BICDL2: variants seen among roughly 807,000 people sequenced by gnomAD.
The protein encoded by BICDL2 is BICD family like cargo adaptor 2, also known as BICD family-like cargo adapter 2.
In BICDL2, 62 loss-of-function variants were observed where a neutral mutation model predicts 56.6. That is an observed-to-expected ratio of 1.10 (90% CI 0.89 to 1.35). The LOEUF (loss-of-function observed/expected upper bound fraction) is 1.35. Among genes scored for constraint, BICDL2 ranks in the 40% most tolerant of loss-of-function variants. BICDL2 has a pLI of 0.00. For missense variants in BICDL2, 808 were observed against 684.5 expected, an observed-to-expected ratio of 1.18 and a Z score of -2.01; for synonymous variants, 358 against 319.8, an observed-to-expected ratio of 1.12 and a Z score of -1.27.
rs565426004 is a variant in BICDL2 at position 3,027,982 on chromosome 16, C to T, written c.*124G>A. 4 of 1,319,140 alleles carry T rather than the reference C, an allele frequency of 3.0e-6. No individual in the cohort carries two copies. Among genetic ancestry groups the T allele is most frequent in the Admixed American group, 7.3e-5 (2 of 27,540 alleles). 81.7% of individuals were successfully genotyped at this position (1,319,140 alleles called of 1,614,324 possible). ...CCCCTGCTCCCGATGAGCCCTTGCCCAGCATCCTGGGGCGGGGAGGGCATC... is the reference window on the plus strand; with the variant it reads ...CCCCTGCTCCCGATGAGCCCTTGCCTAGCATCCTGGGGCGGGGAGGGCATC... On this transcript the variant is annotated 3_prime_UTR_variant, in exon 10 of 10. Transcript: ENST00000572449.
In BICDL2 at chr16:3,028,285, C is replaced by G. The variant is rs761330904; in HGVS notation, c.1360-12G>C. The G allele has an allele frequency of 1.5e-5, 22 of 1,496,202 alleles. No homozygotes were observed. The East Asian group carries it at 2.5e-4, about 17-fold the overall frequency. The allele number at this position is 1,496,202 out of a possible 1,614,324, so 92.7% of individuals were successfully genotyped here. A position where few individuals can be genotyped will look rare whatever the true frequency, so the allele number is the denominator to read the frequency against. On this transcript the variant is annotated splice_polypyrimidine_tract_variant and intron_variant, in intron 9 of 9. Transcript: ENST00000572449. Reference sequence around the variant, plus strand: ...ACCTGCATGTCGTCCTGCGGGAGGCCGTGGTCGGCTCAGCGCCGGTCCCGC... The same window carrying G: ...ACCTGCATGTCGTCCTGCGGGAGGCGGTGGTCGGCTCAGCGCCGGTCCCGC...
chr16:3,036,728 C>A, intron 1 of BICDL2, 166 bp downstream of exon 1: 1 of 435,320 alleles, frequency 2.3e-6, no homozygotes. Flanking sequence ...AGAGAAGCGG[C>A]TGGGCTCACC....
chr16:3,035,196 C>A lies in BICDL2; in HGVS notation c.282+19G>T. On this transcript the variant is annotated intron_variant, in intron 2 of 9. Transcript: ENST00000572449. Reference sequence around the variant, plus strand: ...TCCCCTGCCCACCCACCCACCCACCCCGTCCAGTGCTAGCTCACTTCCTCA... The same window carrying A: ...TCCCCTGCCCACCCACCCACCCACCACGTCCAGTGCTAGCTCACTTCCTCA... The A allele has an allele frequency of 2.6e-6, 1 of 381,876 alleles. No individual in the cohort carries two copies. The allele number at this position is 381,876 out of a possible 1,614,324, so 23.7% of individuals were successfully genotyped here.
Position 3,030,429 on chromosome 16 carries a change from C to A in BICDL2, c.762+20G>T. On this transcript the variant is annotated intron_variant, in intron 5 of 9. Coordinates refer to ENST00000572449, the MANE Select transcript of BICDL2 (RefSeq NM_001369667.1). ...TGCTAAGGGTCCAGGCAGTTGTAGT[C>A]CCCCAGCCCTGCAGGTCACCTCCAG... 1 of 1,596,692 alleles carries A rather than the reference C, an allele frequency of 6.3e-7. No homozygotes were observed. Among genetic ancestry groups the A allele is most frequent in the South Asian group, 1.1e-5 (1 of 89,988 alleles).
intron 2 of BICDL2, 39 bp downstream of exon 2, chr16:3,035,176 T>TTGGCCGGGGGGGGGGGGGG: frequency 1.5e-5 from 2 of 136,274 alleles, no homozygotes; most frequent in Non-Finnish European, 2.7e-5. Context: ...CGTCCTCCCC[T>TTGGCCGGGGGGGGGGGGGG]GCCCACCCAC....
At chr16:3,036,507 T>A (rs1270932598) in intron 1 of BICDL2, 1 of 456,152 alleles carries the variant, frequency 2.2e-6, no homozygotes. Flanking sequence ...GGTGTCCATG[T>A]GCAGCCCTGC....
chr16:3,028,718 C>G lies in BICDL2; in HGVS notation c.1220G>C (p.Arg407Pro), dbSNP rs371238238. Residue 407 changes from arginine (R) to proline (P), a missense_variant, in exon 8 of 10, where the codon CGG becomes CCG. Transcript: ENST00000572449. ...GGCTTACTTGTTCACGGCCTCGTCCCGGTCTGAGAGGGCACTGTGCAGGGC... is the reference window on the plus strand; with the variant it reads ...GGCTTACTTGTTCACGGCCTCGTCCGGGTCTGAGAGGGCACTGTGCAGGGC... ...GEALHSALSD[R>P]DEAVNKALEL... 9.0e-5 allele frequency: 141 copies of G among 1,568,542 alleles called. No homozygotes were observed. The highest frequency in any genetic ancestry group is 1.2e-4 in the Non-Finnish European group (134 of 1,157,022).
rs745678763 is a variant in BICDL2, at chr16:3,028,457, AGCT to A, written c.1247_1249del (p.Glu416_Leu417delinsVal). On this transcript the variant is annotated inframe_deletion, in exon 9 of 10. Coordinates refer to ENST00000572449, the MANE Select transcript of BICDL2 (RefSeq NM_001369667.1). Reference sequence around the variant, plus strand: ...CGAGACGCGGTTGAGCTGCAGGGACAGCTCCAGGGCCCTAGGCGGGCAGGAGCA... The same window carrying A: ...CGAGACGCGGTTGAGCTGCAGGGACACCAGGGCCCTAGGCGGGCAGGAGCA... The A allele has an allele frequency of 6.4e-7, 1 of 1,570,830 alleles. No individual in the cohort carries two copies. Among genetic ancestry groups the A allele is most frequent in the South Asian group, 1.1e-5 (1 of 87,404 alleles).
In BICDL2 at chr16:3,030,774, G is replaced by C; in HGVS notation, c.537C>G (p.Asp179Glu). 2 of 1,612,224 alleles carry C rather than the reference G, an allele frequency of 1.2e-6. No homozygotes were observed. Among genetic ancestry groups the C allele is most frequent in the Admixed American group, 3.3e-5 (2 of 59,946 alleles). The change falls in exon 4 of 10, where the codon GAC (aspartate) becomes GAG (glutamate). Residue 179 changes from aspartate (D) to glutamate (E), a missense_variant. Transcript: ENST00000572449. ...GAGCCTGGCACTGTCCCCGAAGGGC[G>C]TCCAGTTCCCTCTGAAGTTCCTGCT... ...QTEQELQREL[D>E]ALRGQCQAQA...
intron 2 of BICDL2, 122 bp downstream of exon 2, chr16:3,035,093 G>T: frequency 1.9e-6 from 2 of 1,026,498 alleles, no homozygotes; most frequent in South Asian, 1.6e-5. Context: ...TGCCCCCCTC[G>T]CCCGGCTGTC....
At position 3,027,727 on chromosome 16, in the gene BICDL2, A is replaced by C. The variant is rs1207757302; in HGVS notation, c.*379T>G. The C allele has an allele frequency of 1.6e-6, 2 of 1,241,518 alleles. No individual in the cohort carries two copies. Among genetic ancestry groups the C allele is most frequent in the Non-Finnish European group, 2.2e-6 (2 of 897,248 alleles). 76.9% of individuals were successfully genotyped at this position (1,241,518 alleles called of 1,614,324 possible). On this transcript the variant is annotated 3_prime_UTR_variant, in exon 10 of 10. Transcript: ENST00000572449. ...TCATTTTCTTTTTTTTTTTTTTTTT[A>C]CAATAAAGTTTCAGGCTTTTTTACC...
In BICDL2 at chr16:3,035,259, G is replaced by A. The variant is rs1035153431; in HGVS notation, c.238C>T (p.Arg80Trp). 26 of 1,539,060 alleles carry A rather than the reference G, an allele frequency of 1.7e-5. No homozygotes were observed. In the East Asian group the frequency reaches 2.5e-4, roughly 15 times the overall value. ...TGGGCGCTCAGCGTCTCCAGCTGCC[G>A]CCGCAGCTCTTCATTTCGCTCCAGA... Reference protein sequence around the residue: ...MLLERNEELRRQLETLSAQHL... With the variant: ...MLLERNEELRWQLETLSAQHL... The change falls in exon 2 of 10, where the codon CGG becomes TGG. Residue 80 changes from arginine to tryptophan, a missense_variant. By Grantham distance (101) the Arg-to-Trp change is moderately radical (BLOSUM62 -3). Coordinates refer to ENST00000572449, the MANE Select transcript of BICDL2 (RefSeq NM_001369667.1).
intron 5 of BICDL2, 100 bp downstream of exon 5, chr16:3,030,349 T>G: frequency 6.9e-7 from 1 of 1,438,868 alleles, no homozygotes; most frequent in Non-Finnish European, 9.3e-7. Flanking sequence ...GGCCAGCCTC[T>G]GGGCCTCCCA....
chr16:3,031,290 G>A (rs1955650975), intron 2 of BICDL2, 140 bp from the exon 3 acceptor site: 1 of 678,244 alleles, frequency 1.5e-6, no homozygotes. Flanking sequence ...ACAAAAGCAA[G>A]GGAGAGTGAG....
chr16:3,030,078 G>A, intron 5 of BICDL2: 1 of 459,652 alleles, frequency 2.2e-6, no homozygotes, highest in Non-Finnish European at 3.9e-6. Flanking sequence ...ACCGGGATGC[G>A]AAGGAAGGCA....
At position 3,031,011 on chromosome 16, in the gene BICDL2, T is replaced by C; in HGVS notation, c.422A>G (p.Asp141Gly). ...QLGEQRSEQQ[D>G]SGRERARALS... ...GGCCCGTGCCCGTTCTCGCCCACTG[T>C]CCTGCTGCTCTGAGCGCTGCTCCCC... Residue 141 changes from aspartate to glycine, a missense_variant, in exon 3 of 10, where the codon GAC becomes GGC. Coordinates refer to ENST00000572449, the MANE Select transcript of BICDL2 (RefSeq NM_001369667.1). 1.3e-6 allele frequency: 2 copies of C among 1,552,554 alleles called. No homozygotes were observed. The highest frequency in any genetic ancestry group is 1.7e-6 in the Non-Finnish European group (2 of 1,155,322).
At position 3,029,338 on chromosome 16, in the gene BICDL2, A is replaced by T. The variant is rs910758581; in HGVS notation, c.1049T>A (p.Leu350His). ...CTCCTCCAGTATCTCCGCTGGACTGAGGGATGTTCGCTTCTTGGGGGGCTC... is the reference window on the plus strand; with the variant it reads ...CTCCTCCAGTATCTCCGCTGGACTGTGGGATGTTCGCTTCTTGGGGGGCTC... The part of the protein sequence containing the change: ...ILEPPKKRTS[L>H]SPAEILEEKE... Residue 350 changes from leucine to histidine, a missense_variant, in exon 7 of 10, where the codon CTC (leucine) becomes CAC (histidine). Coordinates refer to ENST00000572449, the MANE Select transcript of BICDL2 (RefSeq NM_001369667.1). The T allele has an allele frequency of 1.1e-5, 18 of 1,603,876 alleles. No homozygotes were observed. Among genetic ancestry groups the T allele is most frequent in the Non-Finnish European group, 1.5e-5 (18 of 1,177,584 alleles).
At chr16:3,035,654 G>T in intron 1 of BICDL2, 128 bp from the exon 2 acceptor site, 1 of 782,982 alleles carries the variant, frequency 1.3e-6, no homozygotes. Context: ...GCCACAAAGG[G>T]TTAATGACCT....
At chr16:3,031,363 G>A in intron 2 of BICDL2, 1 of 584,304 alleles carries the variant, frequency 1.7e-6, no homozygotes. Context: ...AGGACGCGTG[G>A]GCCCGGGGCA....
Sources: gnomAD v4.1 joint callset for allele counts on GRCh38, gnomAD v4.1.1 for gene constraint, MANE v1.5 for transcripts, NCBI Gene and HGNC (gene_info 2026-07-23, HGNC 2026-07-21) for gene names.